Variants in ARK2C observed in about 807,000 individuals in gnomAD.
ARK2C encodes arkadia (RNF111) C-terminal like ring finger ubiquitin ligase 2C.
chr18:46,433,572 T>A, the ARK2C span: 280 of 1,382,866 alleles, frequency 2.0e-4, no homozygotes, highest in African/African-American at 3.8e-3. Flanking sequence ...GGCCAGGGCG[T>A]GGGCAGGGCC....
At chr18:46,451,037 G>A in the ARK2C span, among the ~76,000 whole-genome samples, 1 of 151,848 alleles carries the variant, frequency 6.6e-6, no homozygotes, top group African/African-American at 2.4e-5. Flanking sequence ...CTGGGTATCC[G>A]TGTGTGCATG....
the ARK2C span, among the ~76,000 whole-genome samples, chr18:46,414,069 C>T: frequency 6.6e-6 from 1 of 152,312 alleles, no homozygotes; most frequent in East Asian, 1.9e-4. Context: ...AAGGCACCAT[C>T]CCCCAGCAGT....
chr18:46,460,514 G>T, the ARK2C span: 1 of 152,250 alleles, frequency 6.6e-6, no homozygotes, highest in Admixed American at 6.6e-5. Flanking sequence ...TATTTTTATA[G>T]TTGTTTTGCA....
At chr18:46,405,038 A>G in the ARK2C span, among the ~76,000 whole-genome samples, 2 of 152,164 alleles carry the variant, frequency 1.3e-5, no homozygotes, top group Admixed American at 1.3e-4. Context: ...TGATATGGCA[A>G]GACCCCACCA....
the ARK2C span, chr18:46,337,303 C>T: frequency 1.0e-6 from 1 of 985,288 alleles, no homozygotes; most frequent in Non-Finnish European, 1.2e-6. Context: ...TGCTGAATTA[C>T]TTCCTGTTCT....
chr18:46,402,328 C>G, the ARK2C span, among the ~76,000 whole-genome samples: 32 of 148,040 alleles, frequency 2.2e-4, 1 homozygote, highest in South Asian at 6.7e-3. Flanking sequence ...CCCTCTAAAT[C>G]TGATTTTCTC....
At chr18:46,391,069 G>T in the ARK2C span, among the ~76,000 whole-genome samples, 46 of 152,326 alleles carry the variant, frequency 3.0e-4, no homozygotes, top group African/African-American at 1.1e-3. Context: ...CTCTGCTTTT[G>T]TTGGCTGGGT....
At chr18:46,367,061 T>G in the ARK2C span, among the ~76,000 whole-genome samples, 1 of 152,130 alleles carries the variant, frequency 6.6e-6, no homozygotes. Context: ...ATGGACCTCA[T>G]AAAGCAAACA....
the ARK2C span, among the ~76,000 whole-genome samples, chr18:46,423,480 G>A: frequency 6.6e-6 from 1 of 152,234 alleles, no homozygotes; most frequent in African/African-American, 2.4e-5. Flanking sequence ...GAGGGATGGG[G>A]AGAAGAGGTG....
At chr18:46,405,759 T>C in the ARK2C span, among the ~76,000 whole-genome samples, 2 of 151,610 alleles carry the variant, frequency 1.3e-5, 1 homozygote, top group Middle Eastern at 6.8e-3. Context: ...GATGTCTATG[T>C]GAGCCATCCA....
At chr18:46,346,839 G>A in the ARK2C span, among the ~76,000 whole-genome samples, 1 of 152,188 alleles carries the variant, frequency 6.6e-6, no homozygotes, top group Non-Finnish European at 1.5e-5. Flanking sequence ...GTGCAAAGCA[G>A]GCCCTTGGGC....
chr18:46,360,845 G>T, the ARK2C span, among the ~76,000 whole-genome samples: 1 of 152,212 alleles, frequency 6.6e-6, no homozygotes, highest in Admixed American at 6.5e-5. Context: ...TCAGCCTTGG[G>T]GTGTTCAGCA....
chr18:46,334,237 G>GCGCAGC, the ARK2C span: 17 of 1,408,542 alleles, frequency 1.2e-5, no homozygotes, highest in African/African-American at 2.1e-4. The surrounding 1 kb of genome is among the most constrained non-coding windows in gnomAD (Gnocchi z 4.4). Flanking sequence ...AAGGGCCCGC[G>GCGCAGC]CGCAGCCGCC....
the ARK2C span, among the ~76,000 whole-genome samples, chr18:46,379,140 G>GC: frequency 6.6e-6 from 1 of 152,182 alleles, no homozygotes; most frequent in East Asian, 1.9e-4. Flanking sequence ...GAGCCCCCAG[G>GC]CCCCCCAACC....
chr18:46,415,686 C>T, the ARK2C span, among the ~76,000 whole-genome samples: 791 of 152,202 alleles, frequency 5.2e-3, 4 homozygotes, highest in Middle Eastern at 0.017. Context: ...CAACCTGGGC[C>T]AAGTGATGCT....
chr18:46,445,110 A>G, the ARK2C span, among the ~76,000 whole-genome samples: 2 of 152,082 alleles, frequency 1.3e-5, no homozygotes, highest in South Asian at 2.1e-4. Flanking sequence ...TTATTGAATG[A>G]TGAACATCAT....
At chr18:46,412,833 C>T in the ARK2C span, among the ~76,000 whole-genome samples, 8 of 152,062 alleles carry the variant, frequency 5.3e-5, no homozygotes, top group African/African-American at 1.9e-4. Context: ...GGGCCAGGGG[C>T]CACCATATCT....
chr18:46,413,825 C>G, the ARK2C span, among the ~76,000 whole-genome samples: 1 of 152,156 alleles, frequency 6.6e-6, no homozygotes, highest in Non-Finnish European at 1.5e-5. Flanking sequence ...GAGAAAAACA[C>G]TCCTCCCCCT....
At chr18:46,403,635 T>C in the ARK2C span, among the ~76,000 whole-genome samples, 1 of 152,146 alleles carries the variant, frequency 6.6e-6, no homozygotes, top group African/African-American at 2.4e-5. Context: ...CCCAGCACTT[T>C]GGGAGGCCGA....
Sources: allele counts gnomAD v4.1 joint callset (sites outside exome capture counted in the v4.1 genomes callset), GRCh38; gene constraint gnomAD v4.1.1; non-coding constraint Gnocchi (gnomAD v3.1); transcripts MANE v1.5; gene names NCBI Gene and HGNC (gene_info 2026-07-23, HGNC 2026-07-21).